The following BANF2 variants were observed in gnomAD, a reference collection of about 807,000 sequenced individuals.
BANF2 encodes barrier-to-autointegration factor-like protein.
Under a neutral mutation model 8.0 loss-of-function variants are expected in BANF2, and 4 were observed. The observed-to-expected ratio is 0.50, with a 90% CI of 0.25 to 1.14. The LOEUF is 1.14. Among genes scored for constraint, BANF2 ranks in the 50% most tolerant of loss-of-function variants. BANF2 has a pLI of 0.16. For missense variants in BANF2, 96 were observed against 107.5 expected (o/e 0.89, Z 0.47); for synonymous variants, 50 against 40.6 (o/e 1.23, Z -0.88).
chr20:17,719,528 G>C (rs1600222685), intron 1 of BANF2, among the ~76,000 whole-genome samples: 1 of 152,190 alleles, frequency 6.6e-6, no homozygotes, highest in East Asian at 1.9e-4. Context: ...AAGGATTTCG[G>C]GGAGCCCAAG....
intron 1 of BANF2, 37 bp from the exon 2 acceptor site, chr20:17,722,679 C>A: frequency 4.1e-6 from 4 of 964,646 alleles, no homozygotes; most frequent in Non-Finnish European, 4.9e-6. Context: ...TCAGGGGACC[C>A]TGAACAACCT....
chr20:17,697,768 C>T (rs978946552), upstream of BANF2, among the ~76,000 whole-genome samples: 1 of 152,138 alleles, frequency 6.6e-6, no homozygotes, highest in African/African-American at 2.4e-5. Context: ...TTCGTCCCCT[C>T]CAAATCTCAC....
chr20:17,718,805 C>T (rs949628865), intron 1 of BANF2, among the ~76,000 whole-genome samples: 2 of 152,186 alleles, frequency 1.3e-5, no homozygotes, highest in Admixed American at 6.5e-5. Context: ...AAAGTTGACG[C>T]TCTAAGCATC....
intron 1 of BANF2, among the ~76,000 whole-genome samples, chr20:17,715,759 G>A (rs1304658009): frequency 1.3e-5 from 2 of 152,218 alleles, no homozygotes; most frequent in Admixed American, 6.5e-5. Flanking sequence ...ATGAGTATTA[G>A]GGGTCATCAG....
intron 3 of BANF2, among the ~76,000 whole-genome samples, chr20:17,728,955 G>A (rs992966328): frequency 5.9e-5 from 9 of 152,142 alleles, no homozygotes; most frequent in East Asian, 1.9e-4. Context: ...TTGATTACAC[G>A]TTGAAATGAT....
intron 1 of BANF2, among the ~76,000 whole-genome samples, chr20:17,705,381 C>G (rs1288243924): frequency 6.6e-6 from 1 of 152,218 alleles, no homozygotes; most frequent in East Asian, 1.9e-4. Context: ...AGAGGGCCCA[C>G]AGCTAACCAG....
At chr20:17,705,166 A>T (rs1281531310) in intron 1 of BANF2, among the ~76,000 whole-genome samples, 1 of 152,144 alleles carries the variant, frequency 6.6e-6, no homozygotes, top group East Asian at 1.9e-4. Context: ...AGGCCTGGTC[A>T]TGTGTGTCCC....
chr20:17,707,331 C>T (rs1183720972), intron 1 of BANF2, among the ~76,000 whole-genome samples: 1 of 149,392 alleles, frequency 6.7e-6, no homozygotes, highest in African/African-American at 2.5e-5. Flanking sequence ...TGCAGTGAAC[C>T]GAGATCGCAC....
chr20:17,728,454 TG>T (rs2037843345), intron 3 of BANF2, among the ~76,000 whole-genome samples: 1 of 152,146 alleles, frequency 6.6e-6, no homozygotes, highest in African/African-American at 2.4e-5. Flanking sequence ...TTTATCCGGA[TG>T]TCCTATTACC....
chr20:17,725,200 C>A, intron 3 of BANF2, 49 bp downstream of exon 3: 2 of 1,570,618 alleles, frequency 1.3e-6, no homozygotes, highest in Non-Finnish European at 1.7e-6. Flanking sequence ...TACCTTTCTT[C>A]CCCCAGTCCT....
chr20:17,719,579 G>A (rs2037701068), intron 1 of BANF2, among the ~76,000 whole-genome samples: 2 of 151,676 alleles, frequency 1.3e-5, no homozygotes, highest in South Asian at 4.2e-4. Flanking sequence ...GGGCTCTAGT[G>A]TCCTCTTCTC....
intron 1 of BANF2, among the ~76,000 whole-genome samples, chr20:17,694,601 C>CTT (rs869067650): frequency 0.012 from 329 of 26,796 alleles, 7 homozygotes; most frequent in African/African-American, 0.02. Flanking sequence ...TTTTCTCTCT[C>CTT]TTTTTTTTTT....
chr20:17,701,059 A>G (rs966753894), intron 1 of BANF2, among the ~76,000 whole-genome samples: 5 of 152,000 alleles, frequency 3.3e-5, no homozygotes, highest in African/African-American at 9.7e-5. Flanking sequence ...GAAATATTTT[A>G]CCCTTAGGCT....
intron 3 of BANF2, among the ~76,000 whole-genome samples, chr20:17,732,325 T>C (rs1203674134): frequency 6.6e-6 from 1 of 152,206 alleles, no homozygotes; most frequent in Non-Finnish European, 1.5e-5. Flanking sequence ...CCTCACTGTT[T>C]GCACTTGGAG....
intron 1 of BANF2, among the ~76,000 whole-genome samples, chr20:17,720,411 AG>A (rs1278231777): frequency 6.6e-6 from 1 of 152,248 alleles, no homozygotes; most frequent in East Asian, 1.9e-4. Flanking sequence ...TTAAAGAGGC[AG>A]GATATTCTAA....
chr20:17,725,233 G>C, intron 3 of BANF2, 82 bp downstream of exon 3: 1 of 1,483,292 alleles, frequency 6.7e-7, no homozygotes, highest in Non-Finnish European at 9.3e-7. Context: ...TTCCTGCCAC[G>C]TGTCCCTGTG....
intron 3 of BANF2, among the ~76,000 whole-genome samples, chr20:17,726,534 C>T (rs930786327): frequency 6.6e-6 from 1 of 152,128 alleles, no homozygotes; most frequent in Non-Finnish European, 1.5e-5. Flanking sequence ...TTTTACTTTC[C>T]TATTGTGATG....
chr20:17,733,372 G>A (rs150555102), intron 3 of BANF2, among the ~76,000 whole-genome samples: 3 of 152,236 alleles, frequency 2.0e-5, no homozygotes, highest in African/African-American at 4.8e-5. Flanking sequence ...CTAGCAGCAC[G>A]TGGCCGACAG....
In BANF2 at chr20:17,714,197, C is replaced by CAAA. The variant is rs11375517; in HGVS notation, c.-166-8504_-166-8502dup. Among the ~76,000 whole-genome samples, 702 of 75,042 alleles carry CAAA rather than the reference C, an allele frequency of 9.4e-3. 12 individuals carry two copies. The highest frequency in any genetic ancestry group is 0.03 in the East Asian group (90 of 3,016). 49.2% of individuals were successfully genotyped at this position (75,042 alleles called of 152,430 possible). On this transcript the variant is annotated intron_variant, in intron 1 of 3. Coordinates refer to ENST00000246090, the MANE Select transcript of BANF2 (RefSeq NM_178477.5). Reference sequence around the variant, plus strand: ...CCTGGGCGACAGAGTGAGACTCTGTCAAAAAAAAAAAAAAAAAGAAAGAAA... The same window carrying CAAA: ...CCTGGGCGACAGAGTGAGACTCTGTCAAAAAAAAAAAAAAAAAAAAGAAAGAAA...
Sources: gnomAD v4.1 joint callset for allele counts (sites outside exome capture counted in the v4.1 genomes callset) on GRCh38, gnomAD v4.1.1 for gene constraint, MANE v1.5 for transcripts, NCBI Gene and HGNC (gene_info 2026-07-23, HGNC 2026-07-21) for gene names.